METAP1: variants seen among roughly 807,000 people sequenced by gnomAD.
The protein encoded by METAP1 is methionyl aminopeptidase 1.
METAP1 carries 28 observed loss-of-function variants against 53.8 expected under a neutral mutation model. That is an observed-to-expected ratio of 0.52 (90% confidence interval 0.39 to 0.71). The LOEUF (loss-of-function observed/expected upper bound fraction) is 0.71. Among genes scored for constraint, METAP1 ranks in the 30% least tolerant of loss-of-function variants. METAP1 has a pLI of 0.00. For synonymous variants in METAP1, 181 were observed against 165.7 expected, an observed-to-expected ratio of 1.09 and a Z score of -0.71; for missense variants, 389 against 479.8, an observed-to-expected ratio of 0.81 and a Z score of 1.77.
chr4:99,025,084 C>A (rs768574500), intron 1 of METAP1, among the ~76,000 whole-genome samples: 1 of 152,346 alleles, frequency 6.6e-6, no homozygotes, highest in African/African-American at 2.4e-5. Flanking sequence ...CCCGGTAATG[C>A]GGTAATAATG....
rs556921938 is a variant in METAP1, at chr4:99,044,646, A to G, written c.656-533A>G. Among the ~76,000 whole-genome samples the G allele has an allele frequency of 5.9e-5, 9 of 151,944 alleles. No homozygotes were observed. The South Asian group carries it at 1.0e-3, about 17-fold the overall frequency. ...ATACATTATAATGGTATAATAGTAT[A>G]TAATATATAGTATAATAGTAATCTA... On this transcript the variant is annotated intron_variant, in intron 7 of 10. Coordinates refer to ENST00000296411, the MANE Select transcript of METAP1 (RefSeq NM_015143.3).
At chr4:99,003,636 C>T (rs1394505771) in intron 1 of METAP1, among the ~76,000 whole-genome samples, 3 of 151,970 alleles carry the variant, frequency 2.0e-5, no homozygotes, top group Non-Finnish European at 2.9e-5. Context: ...CAGGATCTGT[C>T]GATGTATGTT....
chr4:99,021,024 C>T (rs1724076054), intron 1 of METAP1, among the ~76,000 whole-genome samples: 1 of 152,150 alleles, frequency 6.6e-6, no homozygotes. Flanking sequence ...GACTCAATCC[C>T]CCAGATCCTC....
chr4:99,020,054 A>G (rs185995977), intron 1 of METAP1, among the ~76,000 whole-genome samples: 2 of 152,340 alleles, frequency 1.3e-5, no homozygotes, highest in East Asian at 3.9e-4. Context: ...GGTCCCGAGC[A>G]GGAAATGTAA....
intron 3 of METAP1, among the ~76,000 whole-genome samples, chr4:99,034,659 A>G (rs1560717746): frequency 6.6e-6 from 1 of 152,222 alleles, no homozygotes; most frequent in Non-Finnish European, 1.5e-5. Context: ...GATTGGTTCC[A>G]GGACATCCTC....
intron 2 of METAP1, among the ~76,000 whole-genome samples, chr4:99,033,522 C>T (rs553206512): frequency 3.3e-5 from 5 of 152,074 alleles, no homozygotes; most frequent in Non-Finnish European, 5.9e-5. Flanking sequence ...AGAATTCTTG[C>T]GTATATTTCA....
intron 10 of METAP1, among the ~76,000 whole-genome samples, chr4:99,058,631 A>C (rs1727316934): frequency 6.6e-6 from 1 of 152,116 alleles, no homozygotes; most frequent in Admixed American, 6.5e-5. Context: ...CCTGTTTTAA[A>C]GGATACTCCC....
intron 9 of METAP1, among the ~76,000 whole-genome samples, chr4:99,050,980 C>T (rs957459375): frequency 2.0e-5 from 3 of 152,184 alleles, no homozygotes; most frequent in Admixed American, 2.0e-4. Context: ...AAATGTGAAT[C>T]ATGCTTGAAA....
At chr4:99,051,125 T>A (rs147212823) in intron 9 of METAP1, among the ~76,000 whole-genome samples, 90 of 152,016 alleles carry the variant, frequency 5.9e-4, no homozygotes, top group African/African-American at 2.1e-3. Flanking sequence ...TATGTAAGAG[T>A]ATGTGCAGGG....
intron 1 of METAP1, among the ~76,000 whole-genome samples, chr4:99,012,467 G>T (rs561328670): frequency 1.3e-5 from 2 of 151,498 alleles, no homozygotes; most frequent in East Asian, 1.9e-4. Flanking sequence ...TAGAGACAGG[G>T]TTTCACCATG....
At position 99,034,341 on chromosome 4, in the gene METAP1, T is replaced by C; in HGVS notation, c.278T>C (p.Leu93Pro). 3 of 1,472,264 alleles carry C rather than the reference T, an allele frequency of 2.0e-6. No individual in the cohort carries two copies. The highest frequency in any genetic ancestry group is 2.8e-6 in the Non-Finnish European group (3 of 1,075,772). 91.2% of individuals were successfully genotyped at this position (1,472,264 alleles called of 1,614,324 possible). A position where few individuals can be genotyped will look rare whatever the true frequency, so the allele number is the denominator to read the frequency against. Reference sequence around the variant, plus strand: ...GGTAAACTCAGACCACATTATCCACTGGTGAGTAAATAAGGTAATAAAAAC... The same window carrying C: ...GGTAAACTCAGACCACATTATCCACCGGTGAGTAAATAAGGTAATAAAAAC... ...YTGKLRPHYP[L>P]MPTRPVPSYI... The change falls in exon 3 of 11, where the codon CTG becomes CCG. Residue 93 changes from leucine (L) to proline (P), a missense_variant and splice_region_variant. Transcript: ENST00000296411.
At chr4:99,048,689 G>C in intron 8 of METAP1, 44 bp from the exon 9 acceptor site, 1 of 1,591,520 alleles carries the variant, frequency 6.3e-7, no homozygotes, top group Non-Finnish European at 8.6e-7. Flanking sequence ...TGCTTAGTAC[G>C]TATTAGTTAT....
chr4:98,997,941 C>T (rs373168858), intron 1 of METAP1, among the ~76,000 whole-genome samples: 25 of 152,314 alleles, frequency 1.6e-4, no homozygotes, highest in African/African-American at 5.5e-4. Flanking sequence ...TGTAATTCCT[C>T]CCCTTGCAAA....
At chr4:99,031,060 T>C (rs566283638) in intron 2 of METAP1, among the ~76,000 whole-genome samples, 3 of 151,006 alleles carry the variant, frequency 2.0e-5, no homozygotes, top group Non-Finnish European at 4.4e-5. Context: ...ATGCAGGCCT[T>C]AGGAAATTTT....
At position 99,016,364 on chromosome 4, in the gene METAP1, A is replaced by C. The variant is rs1162102194; in HGVS notation, c.115-12503A>C. 3.9e-5 allele frequency among the ~76,000 whole-genome samples: 6 copies of C among 152,176 alleles called. No homozygotes were observed. The East Asian group carries it at 1.2e-3, about 29-fold the overall frequency. ...GGTCCATCGTAGATGAGTCTCTAAAATTTAGTTAGATGACTTGTCTGATTC... is the reference window on the plus strand; with the variant it reads ...GGTCCATCGTAGATGAGTCTCTAAACTTTAGTTAGATGACTTGTCTGATTC... On this transcript the variant is annotated intron_variant, in intron 1 of 10. Transcript: ENST00000296411.
chr4:99,029,929 T>C (rs1262783189), intron 2 of METAP1, among the ~76,000 whole-genome samples: 1 of 152,056 alleles, frequency 6.6e-6, no homozygotes, highest in Non-Finnish European at 1.5e-5. Context: ...GTGGGAGAAA[T>C]GTGGTTAGAG....
At chr4:99,007,801 C>A (rs752348406) in intron 1 of METAP1, among the ~76,000 whole-genome samples, 2 of 152,168 alleles carry the variant, frequency 1.3e-5, no homozygotes, top group Non-Finnish European at 2.9e-5. Flanking sequence ...GAGTCTCCTC[C>A]ATTACTCTCT....
intron 9 of METAP1, among the ~76,000 whole-genome samples, chr4:99,056,113 A>G (rs966432228): frequency 1.3e-5 from 2 of 152,186 alleles, no homozygotes; most frequent in African/African-American, 4.8e-5. Context: ...ATTCCTGGAA[A>G]GAGGAGAGTT....
rs140694777 is a variant in METAP1, at chr4:99,048,730, C to A, written c.788-3C>A. On this transcript the variant is annotated splice_region_variant and splice_polypyrimidine_tract_variant and intron_variant, in intron 8 of 10. Coordinates refer to ENST00000296411, the MANE Select transcript of METAP1 (RefSeq NM_015143.3). ...TATCATGAATTTTCTTTTTTCCTTT[C>A]AGTGAAGCCTGGTGTTCGGTACAGA... is the stretch of plus-strand genomic sequence containing the variant. 1 of 1,609,986 alleles carries A rather than the reference C, an allele frequency of 6.2e-7. No homozygotes were observed. Among genetic ancestry groups the A allele is most frequent in the Non-Finnish European group, 8.5e-7 (1 of 1,178,750 alleles).
Sources: allele counts gnomAD v4.1 joint callset (sites outside exome capture counted in the v4.1 genomes callset), GRCh38; gene constraint gnomAD v4.1.1; transcripts MANE v1.5; gene names NCBI Gene and HGNC (gene_info 2026-07-23, HGNC 2026-07-21).